The following NRSN2 variants were observed in gnomAD, a reference collection of about 807,000 sequenced individuals.
The protein encoded by NRSN2 is neurensin-2.
Under a neutral mutation model 11.1 loss-of-function variants are expected in NRSN2, and 10 were observed. That is an observed-to-expected ratio of 0.90 (90% CI 0.56 to 1.53). NRSN2 has a LOEUF of 1.53. Ranked by LOEUF, NRSN2 falls within the 40% of genes most tolerant of loss-of-function variation. NRSN2 has a pLI of 0.00. For synonymous variants in NRSN2, 100 were observed against 117.0 expected, an observed-to-expected ratio of 0.86 and a Z score of 0.94; for missense variants, 260 against 273.7, an observed-to-expected ratio of 0.95 and a Z score of 0.35.
At position 354,483 on chromosome 20, in the gene NRSN2, G is replaced by C. The variant is rs1230854166; in HGVS notation, c.*848G>C. 6.6e-6 allele frequency: 1 copy of C among 152,420 alleles called. No homozygotes were observed. The highest frequency in any genetic ancestry group is 1.5e-5 in the Non-Finnish European group (1 of 68,238). 9.4% of individuals were successfully genotyped at this position (152,420 alleles called of 1,614,324 possible). On this transcript the variant is annotated 3_prime_UTR_variant, in exon 5 of 5. Coordinates refer to ENST00000382285, the MANE Select transcript of NRSN2 (RefSeq NM_001323682.2). ...GGATTTAAATGGTCTCTAAGAGCCG[G>C]GGGTAGGGGGCAGGAAAAGTGGGTT... is the stretch of plus-strand genomic sequence containing the variant.
intron 4 of NRSN2, among the ~76,000 whole-genome samples, chr20:352,798 G>C (rs2014073057): frequency 6.6e-6 from 1 of 152,168 alleles, no homozygotes; most frequent in African/African-American, 2.4e-5. Flanking sequence ...GAATGAATGG[G>C]CACAGTTTGC....
intron 3 of NRSN2, 28 bp from the exon 4 acceptor site, chr20:349,610 C>G: frequency 6.3e-7 from 1 of 1,576,874 alleles, no homozygotes. Context: ...TCCCTCCCTC[C>G]GTCAGCTGCA....
At chr20:348,832 A>G (rs1368593539) in intron 2 of NRSN2, among the ~76,000 whole-genome samples, 1 of 151,504 alleles carries the variant, frequency 6.6e-6, no homozygotes, top group Non-Finnish European at 1.5e-5. Flanking sequence ...TCCATTCCCA[A>G]GATCCGTGTC....
intron 4 of NRSN2, among the ~76,000 whole-genome samples, chr20:351,026 C>T (rs1375708732): frequency 2.6e-5 from 4 of 152,120 alleles, no homozygotes; most frequent in Admixed American, 6.6e-5. Flanking sequence ...GTCAGGAGTT[C>T]GAGACCAGCT....
intron 4 of NRSN2, among the ~76,000 whole-genome samples, chr20:352,453 A>C (rs1025392590): frequency 6.6e-6 from 1 of 152,206 alleles, no homozygotes; most frequent in African/African-American, 2.4e-5. Flanking sequence ...GGAAATGATC[A>C]AGGAAGACTT....
rs761781812 is a variant in NRSN2, at chr20:349,681, G to T, written c.38G>T (p.Arg13Leu). 4 of 1,612,804 alleles carry T rather than the reference G, an allele frequency of 2.5e-6. No homozygotes were observed. The highest frequency in any genetic ancestry group is 1.1e-5 in the South Asian group (1 of 91,044). The change falls in exon 4 of 5, where the codon CGC becomes CTC. Residue 13 changes from arginine (R) to leucine (L), a missense_variant. By Grantham distance (102) the Arg-to-Leu change is moderately radical (BLOSUM62 -2). Coordinates refer to ENST00000382285, the MANE Select transcript of NRSN2 (RefSeq NM_001323682.2). Reference sequence around the variant, plus strand: ...TGCAATCGTTCCTGCAGCTGCAGCCGCGGCCCCAGCGTGGAGGATGGCAAG... The same window carrying T: ...TGCAATCGTTCCTGCAGCTGCAGCCTCGGCCCCAGCGTGGAGGATGGCAAG... ...PSCNRSCSCS[R>L]GPSVEDGKWY...
chr20:351,701 A>G lies in NRSN2; in HGVS notation c.190-1509A>G, dbSNP rs868097004. Among the ~76,000 whole-genome samples the G allele has an allele frequency of 7.2e-5, 11 of 152,372 alleles. No homozygotes were observed. In the South Asian group the frequency reaches 1.7e-3, roughly 23 times the overall value. ...AAAACTCAAAAGATATCAAATAACT[A>G]AATAAATGGAGAAATAGTTCATATT... On this transcript the variant is annotated intron_variant, in intron 4 of 4. Coordinates refer to ENST00000382285, the MANE Select transcript of NRSN2 (RefSeq NM_001323682.2).
In NRSN2 at chr20:349,751, T is replaced by A. The variant is rs1267047449; in HGVS notation, c.108T>A (p.Cys36Ter). The change falls in exon 4 of 5, where the codon TGT (cysteine) becomes TGA (stop). Residue 36 changes from cysteine to a stop codon, truncating the protein, a stop_gained. Transcript: ENST00000382285. LOFTEE classifies it high-confidence loss of function. ...ACCTGCACCTCTTCTATGAGGACTG[T>A]GCAGGCACTGCTCTCAGCGACGACC... ...RSYLHLFYED[C>*]AGTALSDDPE... 1 of 1,613,600 alleles carries A rather than the reference T, an allele frequency of 6.2e-7. No homozygotes were observed. The highest frequency in any genetic ancestry group is 1.7e-5 in the Admixed American group (1 of 60,022).
At chr20:350,075 C>T (rs1169138811) in intron 4 of NRSN2, among the ~76,000 whole-genome samples, 1 of 152,194 alleles carries the variant, frequency 6.6e-6, no homozygotes, top group Non-Finnish European at 1.5e-5. Flanking sequence ...AATGGTGGCT[C>T]ATGCCTGTAA....
Position 353,365 on chromosome 20 carries a change from T to C in NRSN2, c.345T>C (p.Cys115=). The C allele has an allele frequency of 6.2e-7, 1 of 1,614,012 alleles. No homozygotes were observed. The highest frequency in any genetic ancestry group is 8.5e-7 in the Non-Finnish European group (1 of 1,179,998). The change falls in exon 5 of 5, where the codon TGT becomes TGC. Residue 115 remains cysteine (C), a synonymous_variant. Coordinates refer to ENST00000382285, the MANE Select transcript of NRSN2 (RefSeq NM_001323682.2). The part of the protein sequence containing the change: ...AADYNQALGT[C]RLAGTALCVA... The stretch of plus-strand genomic sequence containing the variant: ...ACTACAACCAGGCCCTGGGCACCTG[T>C]CGCCTGGCAGGCACAGCGCTCTGTG...
rs569246074 is a variant in NRSN2 at position 347,672 on chromosome 20, G to T, written c.-122+160G>T. Among the ~76,000 whole-genome samples, 7 of 152,236 alleles carry T rather than the reference G, an allele frequency of 4.6e-5. No homozygotes were observed. In the South Asian group the frequency reaches 6.2e-4, roughly 14 times the overall value. Reference sequence around the variant, plus strand: ...GGACACAACTGAATGAGGCTGTGCAGAGGCGACAGATTCCGTCCATCTTCG... The same window carrying T: ...GGACACAACTGAATGAGGCTGTGCATAGGCGACAGATTCCGTCCATCTTCG... On this transcript the variant is annotated intron_variant, in intron 2 of 4. Transcript: ENST00000382285. This position sits in a 1 kb window ranked among gnomAD's most constrained non-coding sequence, Gnocchi z 7.0.
intron 4 of NRSN2, 142 bp downstream of exon 4, chr20:349,974 A>T: frequency 1.7e-6 from 1 of 597,406 alleles, no homozygotes; most frequent in Non-Finnish European, 2.8e-6. Context: ...CCCAATTCAA[A>T]TGGGTTTAAA....
Position 353,801 on chromosome 20 carries a change from GC to G in NRSN2, c.*170del. 1 of 705,784 alleles carries G rather than the reference GC, an allele frequency of 1.4e-6. No individual in the cohort carries two copies. The highest frequency in any genetic ancestry group is 1.8e-5 in the African/African-American group (1 of 55,402). The allele number at this position is 705,784 out of a possible 1,614,324, so 43.7% of individuals were successfully genotyped here. ...CCAGTGCTCCCTCCCCAGGAGTGGGGCCCCAACTCTTCCAAGATACCAGCAT... is the reference window on the plus strand; with the variant it reads ...CCAGTGCTCCCTCCCCAGGAGTGGGGCCCAACTCTTCCAAGATACCAGCAT... On this transcript the variant is annotated 3_prime_UTR_variant, in exon 5 of 5. Coordinates refer to ENST00000382285, the MANE Select transcript of NRSN2 (RefSeq NM_001323682.2).
At chr20:353,127 T>G in intron 4 of NRSN2, 83 bp from the exon 5 acceptor site, 2 of 1,290,178 alleles carry the variant, frequency 1.6e-6, no homozygotes, top group Non-Finnish European at 2.2e-6. Flanking sequence ...TACCCTTAAG[T>G]CTGGTGAGGA....
intron 4 of NRSN2, 93 bp from the exon 5 acceptor site, chr20:353,117 T>C: frequency 1.7e-6 from 2 of 1,155,536 alleles, no homozygotes; most frequent in East Asian, 4.7e-5. Flanking sequence ...ATCAAGGGGT[T>C]ACCCTTAAGT....
chr20:353,268 G>T lies in NRSN2; in HGVS notation c.248G>T (p.Gly83Val). Residue 83 changes from glycine (G) to valine (V), a missense_variant, in exon 5 of 5, where the codon GGC becomes GTC. By Grantham distance (109) the Gly-to-Val change is moderately radical (BLOSUM62 -3). Coordinates refer to ENST00000382285, the MANE Select transcript of NRSN2 (RefSeq NM_001323682.2). ...CTGGGTGTGGCGGCTCTGACCACTG[G>T]CTATGCAGTGCCCCCCAAGCTGGAG... is the stretch of plus-strand genomic sequence containing the variant. Reference protein sequence around the residue: ...LLLGVAALTTGYAVPPKLEGI... With the variant: ...LLLGVAALTTVYAVPPKLEGI... 1.9e-6 allele frequency: 3 copies of T among 1,614,080 alleles called. No homozygotes were observed. The highest frequency in any genetic ancestry group is 2.5e-6 in the Non-Finnish European group (3 of 1,180,038).
In NRSN2 at chr20:350,646, CAAAAAAAAAAAAA is replaced by C. The variant is rs56188179; in HGVS notation, c.189+832_189+844del. On this transcript the variant is annotated intron_variant, in intron 4 of 4. Coordinates refer to ENST00000382285, the MANE Select transcript of NRSN2 (RefSeq NM_001323682.2). ...TGGGCGACAGAACAAGACTCTGTCT[CAAAAAAAAAAAAA>C]AAAAAAAAAAAAAAAAAGAAAAAAG... Among the ~76,000 whole-genome samples the C allele has an allele frequency of 6.3e-3, 247 of 39,418 alleles. 1 individual carries two copies. Among genetic ancestry groups the C allele is most frequent in the African/African-American group, 0.028 (218 of 7,784 alleles). The allele number at this position is 39,418 out of a possible 152,430, so 25.9% of individuals were successfully genotyped here. A position where few individuals can be genotyped will look rare whatever the true frequency, so the allele number is the denominator to read the frequency against.
Position 353,942 on chromosome 20 carries a change from C to T in NRSN2, c.*307C>T. The T allele has an allele frequency of 2.5e-6, 1 of 405,740 alleles. No homozygotes were observed. Among genetic ancestry groups the T allele is most frequent in the South Asian group, 3.5e-5 (1 of 28,488 alleles). 25.1% of individuals were successfully genotyped at this position (405,740 alleles called of 1,614,324 possible). Reference sequence around the variant, plus strand: ...TTCCTCTGCATGACCTTGGGCAAACCCTTGCCCTTTCAAGCCATCAGCTCC... The same window carrying T: ...TTCCTCTGCATGACCTTGGGCAAACTCTTGCCCTTTCAAGCCATCAGCTCC... On this transcript the variant is annotated 3_prime_UTR_variant, in exon 5 of 5. Coordinates refer to ENST00000382285, the MANE Select transcript of NRSN2 (RefSeq NM_001323682.2).
At chr20:353,131 G>A in intron 4 of NRSN2, 79 bp from the exon 5 acceptor site, 1 of 1,341,854 alleles carries the variant, frequency 7.5e-7, no homozygotes, top group African/African-American at 1.5e-5. Flanking sequence ...CTTAAGTCTG[G>A]TGAGGATCCA....
Sources: gnomAD v4.1 joint callset for allele counts (sites outside exome capture counted in the v4.1 genomes callset) on GRCh38, gnomAD v4.1.1 for gene constraint, Gnocchi (gnomAD v3.1) non-coding constraint, MANE v1.5 for transcripts, NCBI Gene and HGNC (gene_info 2026-07-23, HGNC 2026-07-21) for gene names.